Variants in BRD9 observed in about 807,000 individuals in gnomAD.
BRD9 encodes the protein bromodomain containing 9, also known as bromodomain-containing protein 9.
In BRD9, 47 loss-of-function variants were observed where a neutral mutation model predicts 68.7. The ratio of observed to expected loss-of-function variants is 0.68; its 90% CI spans 0.54 to 0.87. The LOEUF is 0.87. Among genes scored for constraint, BRD9 ranks in the 40% least tolerant of loss-of-function variants. BRD9 has a pLI of 0.00. For missense variants in BRD9, 670 were observed against 748.4 expected, an observed-to-expected ratio of 0.90 and a Z score of 1.22; for synonymous variants, 313 against 293.9, an observed-to-expected ratio of 1.06 and a Z score of -0.67.
rs758657818 is a variant in BRD9, at chr5:870,626, G to A, written c.1423-51C>T. 8.6e-6 allele frequency: 11 copies of A among 1,278,912 alleles called. 1 individual carries two copies. The highest frequency in any genetic ancestry group is 7.3e-5 in the South Asian group (6 of 82,400). The allele number at this position is 1,278,912 out of a possible 1,614,324, so 79.2% of individuals were successfully genotyped here. ...GCAATTCAAACATCAAACGAAAAACGAAATGTTACTTCACACTCGCTATTG... is the reference window on the plus strand; with the variant it reads ...GCAATTCAAACATCAAACGAAAAACAAAATGTTACTTCACACTCGCTATTG... On this transcript the variant is annotated intron_variant, in intron 13 of 15. Coordinates refer to ENST00000467963, the MANE Select transcript of BRD9 (RefSeq NM_023924.5).
chr5:889,076 C>A lies in BRD9; in HGVS notation c.551G>T (p.Gly184Val), dbSNP rs1255047872. The A allele has an allele frequency of 6.2e-7, 1 of 1,610,662 alleles. No homozygotes were observed. Among genetic ancestry groups the A allele is most frequent in the Non-Finnish European group, 8.5e-7 (1 of 1,179,142 alleles). ...SMIIKHPMDF[G>V]TMKDKIVANE... ...AGCTACAATTTTGTCTTTCATGGTGCCAAAATCCATGGGATGTTTTATTAT... is the reference window on the plus strand; with the variant it reads ...AGCTACAATTTTGTCTTTCATGGTGACAAAATCCATGGGATGTTTTATTAT... The change falls in exon 5 of 16, where the codon GGC becomes GTC. Residue 184 changes from glycine (G) to valine (V), a missense_variant. Gly to Val is a moderately radical substitution (Grantham distance 109). Transcript: ENST00000467963.
chr5:889,519 A>T lies in BRD9; in HGVS notation c.461+68T>A, dbSNP rs1753037171. ...ACAGCTGACGAGGCTGGCGTGGGGA[A>T]TAAGGCCTCAGAAAAGATGACACCA... On this transcript the variant is annotated intron_variant, in intron 4 of 15. Transcript: ENST00000467963. 2.0e-6 allele frequency: 3 copies of T among 1,527,452 alleles called. No homozygotes were observed. In the East Asian group the frequency reaches 6.9e-5, roughly 35 times the overall value. 94.6% of individuals were successfully genotyped at this position (1,527,452 alleles called of 1,614,324 possible).
At chr5:876,911 G>T (rs73733921) in intron 11 of BRD9, among the ~76,000 whole-genome samples, 5,751 of 152,232 alleles carry the variant, frequency 0.038, 340 homozygotes, top group African/African-American at 0.13. Flanking sequence ...CTCGGCACTC[G>T]CAGCGTGCAC....
intron 13 of BRD9, among the ~76,000 whole-genome samples, chr5:871,060 C>T (rs1159820846): frequency 6.6e-6 from 1 of 152,244 alleles, no homozygotes; most frequent in African/African-American, 2.4e-5. Context: ...AGGGGTCTCT[C>T]CAGGTTCCCA....
At chr5:891,388 G>T in intron 2 of BRD9, 101 bp from the exon 3 acceptor site, 2 of 1,460,450 alleles carry the variant, frequency 1.4e-6, no homozygotes. Context: ...ACAGAACTAA[G>T]GGAAACCCCC....
At chr5:883,467 C>T (rs987003484) in intron 8 of BRD9, 32 of 456,192 alleles carry the variant, frequency 7.0e-5, no homozygotes, top group African/African-American at 2.0e-4. Context: ...GAAAGGAGAG[C>T]GTGGTCAGCT....
intron 12 of BRD9, among the ~76,000 whole-genome samples, chr5:872,099 A>G (rs1019432255): frequency 1.3e-5 from 2 of 152,074 alleles, no homozygotes; most frequent in African/African-American, 4.8e-5. Flanking sequence ...CGGTGCCTGC[A>G]GCAGGTGGGC....
intron 8 of BRD9, chr5:883,451 C>T (rs1234479223): frequency 2.2e-6 from 1 of 456,560 alleles, no homozygotes; most frequent in Non-Finnish European, 4.4e-6. Context: ...AGAACGTCTC[C>T]TGCCAGAAAG....
intron 7 of BRD9, 125 bp from the exon 8 acceptor site, chr5:884,195 A>G: frequency 8.4e-7 from 1 of 1,194,106 alleles, no homozygotes; most frequent in Admixed American, 2.3e-5. Flanking sequence ...GGCAGAGCAT[A>G]CTTAACTCCT....
chr5:886,759 C>T (rs1444711505), intron 6 of BRD9, 52 bp from the exon 7 acceptor site: 1 of 1,612,394 alleles, frequency 6.2e-7, no homozygotes, highest in African/African-American at 1.3e-5. Flanking sequence ...TCAAAGCTAA[C>T]AGCCGCTCCT....
At chr5:887,687 G>A (rs188474105) in intron 5 of BRD9, among the ~76,000 whole-genome samples, 84 of 152,312 alleles carry the variant, frequency 5.5e-4, no homozygotes, top group Admixed American at 1.5e-3. Flanking sequence ...CAAACAGTTG[G>A]CCAAGCCTGT....
At chr5:880,963 G>C in intron 9 of BRD9, 144 bp downstream of exon 9, 1 of 810,448 alleles carries the variant, frequency 1.2e-6, no homozygotes, top group Non-Finnish European at 2.0e-6. Context: ...CACGTGTCAC[G>C]TTGGGGTGCG....
chr5:881,254 C>A, intron 8 of BRD9, 72 bp from the exon 9 acceptor site: 1 of 1,433,470 alleles, frequency 7.0e-7, no homozygotes, highest in Non-Finnish European at 9.7e-7. Flanking sequence ...TGAAGACCAA[C>A]AAGCAGGGCT....
intron 7 of BRD9, among the ~76,000 whole-genome samples, chr5:885,361 A>G (rs1229172330): frequency 1.3e-5 from 2 of 151,934 alleles, no homozygotes; most frequent in Non-Finnish European, 2.9e-5. Flanking sequence ...TCTCAAGACC[A>G]CTCTCCCTTT....
chr5:868,650 C>A (rs80351501), intron 14 of BRD9: 3 of 152,296 alleles, frequency 2.0e-5, no homozygotes, highest in African/African-American at 7.2e-5. Context: ...AAGCCTCTGA[C>A]GGGCTTCCCT....
At chr5:881,254 C>T (rs1030600858) in intron 8 of BRD9, 72 bp from the exon 9 acceptor site, 2 of 1,433,470 alleles carry the variant, frequency 1.4e-6, no homozygotes, top group Non-Finnish European at 1.9e-6. Context: ...TGAAGACCAA[C>T]AAGCAGGGCT....
rs764561731 is a variant in BRD9, at chr5:881,186, G to A, written c.967-4C>T. On this transcript the variant is annotated splice_polypyrimidine_tract_variant and splice_region_variant and intron_variant, in intron 8 of 15. Transcript: ENST00000467963. ...CGTTCCTCTTCAGATAGCCCATCTG[G>A]AAGGAAGCACTGCCTGAGCGTCTGT... 2 of 1,613,804 alleles carry A rather than the reference G, an allele frequency of 1.2e-6. No homozygotes were observed. The highest frequency in any genetic ancestry group is 4.5e-5 in the East Asian group (2 of 44,874).
chr5:881,436 A>T (rs192691639), intron 8 of BRD9: 35 of 549,962 alleles, frequency 6.4e-5, no homozygotes, highest in Non-Finnish European at 2.9e-5. Flanking sequence ...AAAAACCTTC[A>T]CCCACGAGTA....
At chr5:881,345 G>A (rs895010229) in intron 8 of BRD9, 163 bp from the exon 9 acceptor site, 10 of 684,498 alleles carry the variant, frequency 1.5e-5, no homozygotes, top group African/African-American at 8.9e-5. Context: ...CAGACTCACC[G>A]GCAACAGCAG....
Sources: gnomAD v4.1 joint callset for allele counts (sites outside exome capture counted in the v4.1 genomes callset) on GRCh38, gnomAD v4.1.1 for gene constraint, MANE v1.5 for transcripts, NCBI Gene and HGNC (gene_info 2026-07-23, HGNC 2026-07-21) for gene names.